PTPRM: variants seen among roughly 807,000 people sequenced by gnomAD.
The protein encoded by PTPRM is receptor-type tyrosine-protein phosphatase mu.
Under a neutral mutation model 186.7 loss-of-function variants are expected in PTPRM, and 47 were observed. The observed-to-expected ratio is 0.25, with a 90% CI of 0.20 to 0.32. The LOEUF (loss-of-function observed/expected upper bound fraction) is 0.32, where lower values mean the gene tolerates loss of function less well. Ranked by LOEUF, PTPRM falls within the 10% of genes least tolerant of loss-of-function variation. PTPRM has a pLI of 1.00. For missense variants in PTPRM, 1,494 were observed against 1,865.0 expected (o/e 0.80, Z 3.66); for synonymous variants, 668 against 674.9 (o/e 0.99, Z 0.16).
intron 1 of PTPRM, among the ~76,000 whole-genome samples, chr18:7,651,397 A>G (rs1397990631): frequency 6.6e-6 from 1 of 152,144 alleles, no homozygotes; most frequent in Non-Finnish European, 1.5e-5. Context: ...GTGTTCATAA[A>G]ACATAAAAAG....
intron 19 of PTPRM, among the ~76,000 whole-genome samples, chr18:8,277,826 T>A (rs1441202352): frequency 6.6e-6 from 1 of 152,224 alleles, no homozygotes; most frequent in East Asian, 1.9e-4. Context: ...TTTAAAAATA[T>A]TTTCTGTTAA....
chr18:7,872,151 A>C (rs2048014196), intron 2 of PTPRM, among the ~76,000 whole-genome samples: 2 of 152,304 alleles, frequency 1.3e-5, no homozygotes, highest in East Asian at 3.9e-4. Context: ...GATAAAATTC[A>C]GTTGTCAGCA....
chr18:8,077,778 C>A (rs1686907653), intron 9 of PTPRM, among the ~76,000 whole-genome samples: 2 of 152,156 alleles, frequency 1.3e-5, no homozygotes, highest in African/African-American at 4.8e-5. Context: ...AATTTCCAAG[C>A]CGTAAGTTCA....
chr18:8,274,431 G>T (rs2094809701), intron 19 of PTPRM, among the ~76,000 whole-genome samples: 2 of 152,244 alleles, frequency 1.3e-5, no homozygotes, highest in East Asian at 1.9e-4. Context: ...ATAAATAAAT[G>T]ATTCTTCATA....
chr18:7,712,414 C>G (rs2040232268), intron 1 of PTPRM, among the ~76,000 whole-genome samples: 1 of 152,028 alleles, frequency 6.6e-6, no homozygotes, highest in African/African-American at 2.4e-5. Flanking sequence ...GAAACCAGAG[C>G]AAAAAGGCTG....
intron 11 of PTPRM, among the ~76,000 whole-genome samples, chr18:8,108,843 C>G (rs1036957955): frequency 3.3e-5 from 5 of 152,168 alleles, no homozygotes; most frequent in African/African-American, 1.2e-4. Flanking sequence ...ATCGCACATG[C>G]AGTAGGAAGA....
At chr18:8,342,189 C>T (rs2095478888) in intron 22 of PTPRM, among the ~76,000 whole-genome samples, 1 of 152,076 alleles carries the variant, frequency 6.6e-6, no homozygotes, top group African/African-American at 2.4e-5. Flanking sequence ...ACTGAAGGGC[C>T]CCTTGGGTGT....
intron 7 of PTPRM, among the ~76,000 whole-genome samples, chr18:8,049,710 G>GTTT (rs371227331): frequency 3.4e-5 from 5 of 145,974 alleles, no homozygotes; most frequent in Non-Finnish European, 4.5e-5. Context: ...AGTCTGTGAG[G>GTTT]TTTTTTTTTT....
At chr18:8,159,648 G>A (rs1244024774) in intron 14 of PTPRM, among the ~76,000 whole-genome samples, 3 of 152,084 alleles carry the variant, frequency 2.0e-5, no homozygotes, top group Non-Finnish European at 2.9e-5. Flanking sequence ...CGACAGTGCC[G>A]ACAGTACGCT....
At chr18:8,210,969 A>G (rs1388275405) in intron 14 of PTPRM, among the ~76,000 whole-genome samples, 2 of 152,342 alleles carry the variant, frequency 1.3e-5, no homozygotes, top group Non-Finnish European at 2.9e-5. Flanking sequence ...ACTAAATGCT[A>G]CTGGCACATT....
intron 2 of PTPRM, among the ~76,000 whole-genome samples, chr18:7,840,763 T>C (rs2046282985): frequency 6.6e-6 from 1 of 152,226 alleles, no homozygotes. Flanking sequence ...GGTACAACAG[T>C]TGGCTGTAGA....
intron 1 of PTPRM, among the ~76,000 whole-genome samples, chr18:7,608,512 T>C (rs2037591657): frequency 6.6e-6 from 1 of 152,170 alleles, no homozygotes; most frequent in African/African-American, 2.4e-5. Flanking sequence ...TTAATGTCAG[T>C]GAGCTTTTGA....
chr18:8,094,206 C>T (rs1444269325), intron 11 of PTPRM, among the ~76,000 whole-genome samples: 1 of 151,900 alleles, frequency 6.6e-6, no homozygotes, highest in Non-Finnish European at 1.5e-5. Context: ...GCAAAGTTTA[C>T]CTTAAGATAT....
intron 7 of PTPRM, among the ~76,000 whole-genome samples, chr18:8,019,786 CTAA>C (rs1405185573): frequency 2.0e-5 from 3 of 146,514 alleles, no homozygotes; most frequent in African/African-American, 5.0e-5. Context: ...TAATTATAAA[CTAA>C]TAATTTATAA....
At chr18:7,746,830 G>A (rs910395113) in intron 1 of PTPRM, among the ~76,000 whole-genome samples, 1 of 152,168 alleles carries the variant, frequency 6.6e-6, no homozygotes, top group Non-Finnish European at 1.5e-5. Context: ...TACCAGCCAC[G>A]TGGTGGCTGG....
At chr18:8,270,613 A>G (rs2094759054) in intron 19 of PTPRM, among the ~76,000 whole-genome samples, 1 of 152,196 alleles carries the variant, frequency 6.6e-6, no homozygotes, top group Non-Finnish European at 1.5e-5. Context: ...CTAAATGTTT[A>G]TCAATAGATG....
At chr18:7,745,362 C>T (rs1354170579) in intron 1 of PTPRM, among the ~76,000 whole-genome samples, 2 of 152,148 alleles carry the variant, frequency 1.3e-5, no homozygotes, top group South Asian at 2.1e-4. Context: ...TTTGGGGCCA[C>T]TTTTTTCCTC....
chr18:8,104,913 A>G (rs1349362698), intron 11 of PTPRM, among the ~76,000 whole-genome samples: 1 of 152,228 alleles, frequency 6.6e-6, no homozygotes, highest in African/African-American at 2.4e-5. Context: ...CAATAAATTA[A>G]GGATCAGTGC....
chr18:7,930,523 T>C (rs1167884952), intron 5 of PTPRM, among the ~76,000 whole-genome samples: 2 of 152,126 alleles, frequency 1.3e-5, no homozygotes, highest in East Asian at 1.9e-4. Flanking sequence ...CAAAGAAAAA[T>C]GACATAGCTG....
Sources: gnomAD v4.1 joint callset for allele counts (sites outside exome capture counted in the v4.1 genomes callset) on GRCh38, gnomAD v4.1.1 for gene constraint, MANE v1.5 for transcripts, NCBI Gene and HGNC (gene_info 2026-07-23, HGNC 2026-07-21) for gene names.